SORCS1: variants seen among roughly 807,000 people sequenced by gnomAD.
SORCS1 encodes the protein VPS10 domain-containing receptor SorCS1.
In SORCS1, 60 loss-of-function variants were observed where a neutral mutation model predicts 146.1. The observed-to-expected ratio is 0.41, with a 90% CI of 0.33 to 0.51. The LOEUF (loss-of-function observed/expected upper bound fraction) is 0.51, where lower values mean the gene tolerates loss of function less well. Among genes scored for constraint, SORCS1 ranks in the 20% least tolerant of loss-of-function variants. The pLI is 0.21. For missense variants in SORCS1, 1,352 were observed against 1,487.6 expected (o/e 0.91, Z 1.50); for synonymous variants, 637 against 584.0 (o/e 1.09, Z -1.31).
chr10:106,902,992 C>A (rs915936593), intron 2 of SORCS1, among the ~76,000 whole-genome samples: 1 of 152,152 alleles, frequency 6.6e-6, no homozygotes, highest in African/African-American at 2.4e-5. Context: ...TTAGGAGAAT[C>A]GCTTGAACTC....
chr10:106,991,174 G>A (rs1414447614), intron 1 of SORCS1, among the ~76,000 whole-genome samples: 3 of 152,142 alleles, frequency 2.0e-5, no homozygotes, highest in East Asian at 1.9e-4. Flanking sequence ...TATTTGACAC[G>A]GAAGGCCCTC....
chr10:106,955,880 C>T (rs771217254), intron 2 of SORCS1, among the ~76,000 whole-genome samples: 2 of 152,024 alleles, frequency 1.3e-5, no homozygotes, highest in Non-Finnish European at 2.9e-5. Flanking sequence ...GTAATCCCAC[C>T]GTTTTGGATG....
intron 1 of SORCS1, among the ~76,000 whole-genome samples, chr10:107,094,583 T>C (rs982396975): frequency 1.4e-4 from 21 of 152,194 alleles, no homozygotes; most frequent in Non-Finnish European, 2.9e-4. Context: ...AGGCTACAGA[T>C]CATACAACAG....
intron 3 of SORCS1, among the ~76,000 whole-genome samples, chr10:106,796,328 A>G (rs1403435157): frequency 6.6e-6 from 1 of 152,172 alleles, no homozygotes; most frequent in African/African-American, 2.4e-5. Flanking sequence ...GGAAGCTTTA[A>G]ATTATAGAAA....
At chr10:106,753,547 A>G (rs1858414755) in intron 5 of SORCS1, among the ~76,000 whole-genome samples, 1 of 152,146 alleles carries the variant, frequency 6.6e-6, no homozygotes, top group African/African-American at 2.4e-5. Flanking sequence ...GAGAGAGGCT[A>G]TTTTATATTC....
intron 19 of SORCS1, among the ~76,000 whole-genome samples, chr10:106,623,790 C>G (rs1251704157): frequency 6.6e-6 from 1 of 152,098 alleles, no homozygotes; most frequent in Non-Finnish European, 1.5e-5. Flanking sequence ...CCCAGCATCC[C>G]AAGTAGTTGG....
intron 1 of SORCS1, among the ~76,000 whole-genome samples, chr10:107,007,759 C>T (rs1957517229): frequency 6.6e-6 from 1 of 152,226 alleles, no homozygotes; most frequent in South Asian, 2.1e-4. Context: ...GTAGAGAATA[C>T]ACTAACTACA....
chr10:106,821,393 G>C (rs780367338), intron 3 of SORCS1, among the ~76,000 whole-genome samples: 7 of 152,096 alleles, frequency 4.6e-5, no homozygotes, highest in Non-Finnish European at 8.8e-5. Flanking sequence ...TATTGAGCTA[G>C]CTAAATACCT....
At chr10:106,583,329 G>A (rs1242825676) in intron 24 of SORCS1, among the ~76,000 whole-genome samples, 2 of 152,146 alleles carry the variant, frequency 1.3e-5, no homozygotes, top group African/African-American at 4.8e-5. Flanking sequence ...GATTCACAAT[G>A]CACATCAGTA....
chr10:106,878,386 A>G (rs1210722673), intron 2 of SORCS1, among the ~76,000 whole-genome samples: 1 of 151,616 alleles, frequency 6.6e-6, no homozygotes, highest in African/African-American at 2.4e-5. Flanking sequence ...TACCAATACA[A>G]TGGTATTAGG....
intron 3 of SORCS1, among the ~76,000 whole-genome samples, chr10:106,816,488 C>T (rs1947747597): frequency 1.3e-5 from 2 of 152,186 alleles, no homozygotes; most frequent in East Asian, 3.8e-4. Context: ...GCATACCCAG[C>T]TATGCCTAGG....
In SORCS1 at chr10:106,750,622, G is replaced by C. The variant is rs560806299; in HGVS notation, c.959+10966C>G. Among the ~76,000 whole-genome samples, 169 of 148,108 alleles carry C rather than the reference G, an allele frequency of 1.1e-3. 1 individual carries two copies. Among genetic ancestry groups the C allele is most frequent in the African/African-American group, 3.5e-3 (140 of 40,198 alleles). ...CGGATGCCTGTAGTCCCAGCTACTC[G>C]GGAGGCTGAGGCAGGAGAATGGCGT... On this transcript the variant is annotated intron_variant, in intron 5 of 25. Transcript: ENST00000263054.
At chr10:107,008,982 C>A (rs576608734) in intron 1 of SORCS1, among the ~76,000 whole-genome samples, 2 of 152,112 alleles carry the variant, frequency 1.3e-5, no homozygotes, top group Non-Finnish European at 2.9e-5. Context: ...GGTGACAGAG[C>A]GAGACTCCGT....
intron 24 of SORCS1, among the ~76,000 whole-genome samples, chr10:106,595,497 C>T (rs1845852332): frequency 6.6e-6 from 1 of 152,136 alleles, no homozygotes; most frequent in Non-Finnish European, 1.5e-5. Flanking sequence ...CACACCCTGG[C>T]ATGTTTCCAC....
intron 1 of SORCS1, among the ~76,000 whole-genome samples, chr10:107,132,966 G>A (rs1336092895): frequency 2.0e-5 from 3 of 152,124 alleles, no homozygotes; most frequent in East Asian, 3.9e-4. Context: ...GAGCAATTTT[G>A]TTTCGTCCCC....
intron 17 of SORCS1, among the ~76,000 whole-genome samples, chr10:106,663,042 ATT>A (rs1345348683): frequency 6.6e-6 from 1 of 152,236 alleles, no homozygotes; most frequent in African/African-American, 2.4e-5. Flanking sequence ...AAGAGACTTA[ATT>A]ATCTTTGTAT....
chr10:106,619,393 A>T (rs772394924), intron 20 of SORCS1, among the ~76,000 whole-genome samples: 1 of 152,236 alleles, frequency 6.6e-6, no homozygotes, highest in Non-Finnish European at 1.5e-5. Context: ...GCAAAATTAT[A>T]TCTCCAGCTA....
intron 7 of SORCS1, among the ~76,000 whole-genome samples, chr10:106,707,627 C>T (rs1399639302): frequency 1.3e-5 from 2 of 152,156 alleles, no homozygotes; most frequent in Admixed American, 6.5e-5. Flanking sequence ...GCTGAGACTA[C>T]AAGCAGGTGC....
intron 1 of SORCS1, among the ~76,000 whole-genome samples, chr10:107,147,031 C>T (rs1243929914): frequency 2.0e-5 from 3 of 152,270 alleles, no homozygotes; most frequent in Admixed American, 1.3e-4. Flanking sequence ...CACCCAACCC[C>T]TAAGTCCTTA....
Sources: allele counts gnomAD v4.1 joint callset (sites outside exome capture counted in the v4.1 genomes callset), GRCh38; gene constraint gnomAD v4.1.1; transcripts MANE v1.5; gene names NCBI Gene and HGNC (gene_info 2026-07-23, HGNC 2026-07-21).